The following PIGK variants were observed in gnomAD, a reference collection of about 807,000 sequenced individuals.
The protein encoded by PIGK is GPI-anchor transamidase.
Under a neutral mutation model 50.6 loss-of-function variants are expected in PIGK, and 42 were observed. That is an observed-to-expected ratio of 0.83 (90% CI 0.65 to 1.07). The LOEUF is 1.07. Ranked by LOEUF, PIGK falls within the 50% of genes least tolerant of loss-of-function variation. The probability of loss-of-function intolerance (pLI) is 0.00; values close to 1 mark genes in which losing one functional copy is unlikely to be tolerated. For missense variants in PIGK, 448 were observed against 488.7 expected (o/e 0.92, Z 0.78); for synonymous variants, 151 against 156.0 (o/e 0.97, Z 0.24).
At chr1:77,210,335 A>C in intron 2 of PIGK, 101 bp downstream of exon 2, 1 of 593,778 alleles carries the variant, frequency 1.7e-6, no homozygotes, top group Non-Finnish European at 2.9e-6. Flanking sequence ...CTGATATAAA[A>C]TGTAAAAAAA....
At chr1:77,100,938 T>C (rs1203618590) in intron 10 of PIGK, among the ~76,000 whole-genome samples, 2 of 152,090 alleles carry the variant, frequency 1.3e-5, no homozygotes, top group African/African-American at 4.8e-5. Flanking sequence ...AAGATTACAG[T>C]CCTGGTGGAT....
chr1:77,190,233 A>C (rs1400024722), intron 3 of PIGK, among the ~76,000 whole-genome samples: 1 of 151,872 alleles, frequency 6.6e-6, no homozygotes, highest in Non-Finnish European at 1.5e-5. Context: ...ACCAAAAAAA[A>C]ACAAAAAACA....
intron 8 of PIGK, among the ~76,000 whole-genome samples, chr1:77,156,346 A>T (rs1655007876): frequency 6.6e-6 from 1 of 152,176 alleles, no homozygotes; most frequent in South Asian, 2.1e-4. Context: ...TCACCTTATT[A>T]TGAAGTCACT....
At chr1:77,099,317 G>A (rs750896702) in intron 10 of PIGK, among the ~76,000 whole-genome samples, 18 of 152,106 alleles carry the variant, frequency 1.2e-4, no homozygotes, top group Non-Finnish European at 2.1e-4. Context: ...GGGGAAGCAG[G>A]AATACAGTTG....
chr1:77,123,708 T>TG lies in PIGK; in HGVS notation c.987-1350dup, dbSNP rs1424811830. Among the ~76,000 whole-genome samples the TG allele has an allele frequency of 2.0e-5, 3 of 151,934 alleles. No individual in the cohort carries two copies. The East Asian group carries it at 5.8e-4, about 29-fold the overall frequency. On this transcript the variant is annotated intron_variant, in intron 9 of 10. Transcript: ENST00000370812. ...AGATGAAAAAAGTTCTGGAGATGGA[T>TG]GGGGGGATGATAGTTACACAATAAT...
At chr1:77,207,403 G>T (rs1656314320) in intron 2 of PIGK, among the ~76,000 whole-genome samples, 1 of 152,076 alleles carries the variant, frequency 6.6e-6, no homozygotes, top group Non-Finnish European at 1.5e-5. Flanking sequence ...GAATAGAGAA[G>T]AAAATTAGCT....
chr1:77,190,825 G>T (rs908517262), intron 3 of PIGK, among the ~76,000 whole-genome samples: 1 of 152,126 alleles, frequency 6.6e-6, no homozygotes, highest in Non-Finnish European at 1.5e-5. Context: ...CAGCCACCAG[G>T]ACTGCCACTT....
intron 9 of PIGK, chr1:77,153,577 C>T (rs749433231): frequency 1.3e-4 from 20 of 151,860 alleles, no homozygotes; most frequent in Non-Finnish European, 2.8e-4. Context: ...ACACTGTACA[C>T]AGGTATCAAA....
At chr1:77,150,283 C>A (rs12083834) in intron 9 of PIGK, among the ~76,000 whole-genome samples, 1 of 151,700 alleles carries the variant, frequency 6.6e-6, no homozygotes, top group Non-Finnish European at 1.5e-5. Flanking sequence ...TTTGGGAGGC[C>A]AAGGTGGGAG....
intron 3 of PIGK, among the ~76,000 whole-genome samples, chr1:77,188,538 G>A (rs1020901990): frequency 6.8e-6 from 1 of 147,910 alleles, no homozygotes; most frequent in Non-Finnish European, 1.5e-5. Context: ...ATTTCACCTC[G>A]GTCCTGTGGT....
At chr1:77,182,623 A>G (rs531209193) in intron 3 of PIGK, among the ~76,000 whole-genome samples, 17 of 152,184 alleles carry the variant, frequency 1.1e-4, no homozygotes, top group Non-Finnish European at 2.1e-4. Context: ...CTTGACTAGT[A>G]TAGATTTTGG....
At chr1:77,113,060 AAAGGATCAAAACTCAGTT>A (rs1450946747) in intron 10 of PIGK, among the ~76,000 whole-genome samples, 2 of 152,150 alleles carry the variant, frequency 1.3e-5, no homozygotes, top group Non-Finnish European at 2.9e-5. Context: ...AATGAATTTT[AAAGGATCAAAACTCAGTT>A]TAGAACAGTC....
At chr1:77,131,368 A>C (rs1654367788) in intron 9 of PIGK, among the ~76,000 whole-genome samples, 1 of 152,010 alleles carries the variant, frequency 6.6e-6, no homozygotes, top group South Asian at 2.1e-4. Flanking sequence ...AAAGGAAGGG[A>C]GAGTTCCTGA....
chr1:77,137,628 T>C (rs1183869625), intron 9 of PIGK, among the ~76,000 whole-genome samples: 1 of 152,128 alleles, frequency 6.6e-6, no homozygotes, highest in Non-Finnish European at 1.5e-5. Context: ...GACAGAGTCT[T>C]ACTCTTGTCA....
rs186984297 is a variant in PIGK at position 77,208,717 on chromosome 1, T to C, written c.147+1719A>G. Among the ~76,000 whole-genome samples, 159 of 152,322 alleles carry C rather than the reference T, an allele frequency of 1.0e-3. 1 individual carries two copies. The highest frequency in any genetic ancestry group is 3.6e-3 in the African/African-American group (149 of 41,584). On this transcript the variant is annotated intron_variant, in intron 2 of 10. Coordinates refer to ENST00000370812, the MANE Select transcript of PIGK (RefSeq NM_005482.3). The stretch of plus-strand genomic sequence containing the variant: ...GGGTAGCATATATAAGAGGTTTTTT[T>C]CTTGAAGAACAAGAAAATGAGCCAT...
At chr1:77,166,675 G>T in intron 5 of PIGK, 44 bp downstream of exon 5, 2 of 946,286 alleles carry the variant, frequency 2.1e-6, no homozygotes, top group Non-Finnish European at 3.3e-6. Context: ...TTTTCAAAGA[G>T]TTTCAATATA....
At chr1:77,218,236 A>G (rs1221130457) in intron 1 of PIGK, among the ~76,000 whole-genome samples, 1 of 152,228 alleles carries the variant, frequency 6.6e-6, no homozygotes, top group Non-Finnish European at 1.5e-5. Context: ...ATTAATAAAT[A>G]TTTAAAAGAT....
At chr1:77,206,520 T>C in intron 3 of PIGK, 120 bp downstream of exon 3, 1 of 638,850 alleles carries the variant, frequency 1.6e-6, no homozygotes, top group Admixed American at 2.6e-5. Context: ...ACAAAAAATC[T>C]TCAAATCAGA....
At chr1:77,140,656 G>C (rs1377215674) in intron 9 of PIGK, among the ~76,000 whole-genome samples, 1 of 151,890 alleles carries the variant, frequency 6.6e-6, no homozygotes, top group Non-Finnish European at 1.5e-5. Flanking sequence ...GGATATTCAA[G>C]GTTTTACTAT....
Sources: gnomAD v4.1 joint callset for allele counts (sites outside exome capture counted in the v4.1 genomes callset) on GRCh38, gnomAD v4.1.1 for gene constraint, MANE v1.5 for transcripts, NCBI Gene and HGNC (gene_info 2026-07-23, HGNC 2026-07-21) for gene names.